Variants in USH2A observed in about 807,000 individuals in gnomAD.
USH2A encodes the protein Usher syndrome 2A (autosomal recessive, mild).
Under a neutral mutation model 538.9 loss-of-function variants are expected in USH2A, and 443 were observed. The ratio of observed to expected loss-of-function variants is 0.82; its 90% confidence interval spans 0.76 to 0.89. USH2A has a LOEUF of 0.89. USH2A is among the 40% of genes least tolerant of loss of function. USH2A has a pLI of 0.00. For missense variants in USH2A, 6,633 were observed against 6,324.8 expected, an observed-to-expected ratio of 1.05 and a Z score of -1.65; for synonymous variants, 2,413 against 2,273.5, an observed-to-expected ratio of 1.06 and a Z score of -1.75.
chr1:215,697,115 G>T (rs570554690), intron 61 of USH2A, among the ~76,000 whole-genome samples: 1 of 126,864 alleles, frequency 7.9e-6, no homozygotes, highest in South Asian at 2.7e-4. Flanking sequence ...ACCAGGCCCA[G>T]CTAATTTTTT....
chr1:216,403,640 A>G (rs1375898087), intron 3 of USH2A, among the ~76,000 whole-genome samples: 1 of 152,208 alleles, frequency 6.6e-6, no homozygotes, highest in Non-Finnish European at 1.5e-5. Flanking sequence ...ATCATGCAGA[A>G]GCCAAAATTT....
chr1:215,688,294 G>A (rs1658498313), intron 61 of USH2A, among the ~76,000 whole-genome samples: 1 of 152,058 alleles, frequency 6.6e-6, no homozygotes, highest in South Asian at 2.1e-4. Context: ...AGAGAAGAAT[G>A]GCCCAAGAGA....
At chr1:216,327,745 T>A in intron 4 of USH2A, 91 bp from the exon 5 acceptor site, 1 of 1,505,242 alleles carries the variant, frequency 6.6e-7, no homozygotes, top group South Asian at 1.1e-5. Context: ...TTGAAGATGT[T>A]AAGGTTAAAA....
At chr1:215,857,741 A>G (rs1329223475) in intron 44 of USH2A, among the ~76,000 whole-genome samples, 1 of 152,202 alleles carries the variant, frequency 6.6e-6, no homozygotes, top group Non-Finnish European at 1.5e-5. Flanking sequence ...TACACTGGCC[A>G]TGACAACTCT....
Position 215,993,062 on chromosome 1 carries a change from C to T in USH2A, c.6763G>A (p.Asp2255Asn). 1 of 1,614,100 alleles carries T rather than the reference C, an allele frequency of 6.2e-7. No individual in the cohort carries two copies. Among genetic ancestry groups the T allele is most frequent in the South Asian group, 1.1e-5 (1 of 91,080 alleles). ...PAPKAHSYSP[D>N]SFNVSWTEPE... ...TCAGTCCAGGAGACATTAAAGGAGT[C>T]AGGTGAATATGAGTGGGCTTTGGGG... The change falls in exon 35 of 72, where the codon GAC becomes AAC. Residue 2255 changes from aspartate (D) to asparagine (N), a missense_variant. Coordinates refer to ENST00000307340, the MANE Select transcript of USH2A (RefSeq NM_206933.4).
At chr1:216,014,696 C>G (rs1294319250) in intron 32 of USH2A, among the ~76,000 whole-genome samples, 2 of 152,208 alleles carry the variant, frequency 1.3e-5, no homozygotes, top group African/African-American at 4.8e-5. Flanking sequence ...ACAGATCACT[C>G]TAATATGCAT....
intron 9 of USH2A, among the ~76,000 whole-genome samples, chr1:216,297,447 A>T (rs1468934002): frequency 6.6e-6 from 1 of 152,154 alleles, no homozygotes; most frequent in Non-Finnish European, 1.5e-5. Flanking sequence ...TATCTGACTC[A>T]AAATAATCTT....
chr1:216,396,135 G>A (rs2039207309), intron 3 of USH2A, among the ~76,000 whole-genome samples: 1 of 152,010 alleles, frequency 6.6e-6, no homozygotes, highest in South Asian at 2.1e-4. Flanking sequence ...TGTAATCGCA[G>A]TAAATACAAT....
chr1:216,344,594 C>T (rs937528623), intron 4 of USH2A, among the ~76,000 whole-genome samples: 2 of 151,990 alleles, frequency 1.3e-5, no homozygotes, highest in Non-Finnish European at 2.9e-5. Context: ...ACGGAGGAGA[C>T]TCCCCTGACC....
intron 32 of USH2A, among the ~76,000 whole-genome samples, chr1:216,003,818 C>T (rs1668329266): frequency 6.6e-6 from 1 of 152,162 alleles, no homozygotes; most frequent in African/African-American, 2.4e-5. Context: ...CAAACATGGA[C>T]TTCATGAGTA....
chr1:216,380,498 G>A (rs1242830362), intron 3 of USH2A, among the ~76,000 whole-genome samples: 1 of 152,120 alleles, frequency 6.6e-6, no homozygotes, highest in Admixed American at 6.6e-5. Flanking sequence ...TTAAGAAAAT[G>A]TGTATTATTT....
At chr1:216,331,802 T>C (rs76372828) in intron 4 of USH2A, among the ~76,000 whole-genome samples, 5,940 of 152,170 alleles carry the variant, frequency 0.039, 177 homozygotes, top group Middle Eastern at 0.11. Flanking sequence ...GCAATGTATA[T>C]AGGTAAAAAC....
At chr1:216,122,514 A>G (rs2033157955) in intron 21 of USH2A, among the ~76,000 whole-genome samples, 1 of 152,186 alleles carries the variant, frequency 6.6e-6, no homozygotes, top group South Asian at 2.1e-4. Flanking sequence ...GCAGCCTGGT[A>G]ACAGCCAGGC....
chr1:216,068,226 G>A (rs2031444031), intron 30 of USH2A, among the ~76,000 whole-genome samples: 1 of 152,190 alleles, frequency 6.6e-6, no homozygotes, highest in Non-Finnish European at 1.5e-5. Context: ...GACAAAATGA[G>A]CTTAGATACT....
At chr1:215,788,742 T>A (rs1661878024) in intron 51 of USH2A, among the ~76,000 whole-genome samples, 1 of 152,140 alleles carries the variant, frequency 6.6e-6, no homozygotes, top group Non-Finnish European at 1.5e-5. Flanking sequence ...CAGAAATGCC[T>A]CAAAATTCTG....
chr1:216,007,941 T>C (rs1571883520), intron 32 of USH2A, among the ~76,000 whole-genome samples: 1 of 152,370 alleles, frequency 6.6e-6, no homozygotes, highest in South Asian at 2.1e-4. Context: ...CATACATATA[T>C]GTCTTGAAGA....
intron 37 of USH2A, among the ~76,000 whole-genome samples, chr1:215,952,353 T>C (rs1270247299): frequency 6.6e-6 from 1 of 152,250 alleles, no homozygotes; most frequent in East Asian, 1.9e-4. Flanking sequence ...TCTGTGTCTT[T>C]TAACTGGAGC....
At chr1:215,786,183 A>G (rs1661794542) in intron 52 of USH2A, among the ~76,000 whole-genome samples, 1 of 152,190 alleles carries the variant, frequency 6.6e-6, no homozygotes, top group African/African-American at 2.4e-5. Context: ...AATAACTGCA[A>G]AGGTTATTCT....
intron 55 of USH2A, among the ~76,000 whole-genome samples, chr1:215,769,032 T>C (rs1394115976): frequency 6.6e-6 from 1 of 152,190 alleles, no homozygotes. Flanking sequence ...ACCAAAAAGG[T>C]CCTTCCTCAT....
Sources: gnomAD v4.1 joint callset for allele counts (sites outside exome capture counted in the v4.1 genomes callset) on GRCh38, gnomAD v4.1.1 for gene constraint, MANE v1.5 for transcripts, NCBI Gene and HGNC (gene_info 2026-07-23, HGNC 2026-07-21) for gene names.